Variants in AGAP1 observed in about 807,000 individuals in gnomAD.
AGAP1 encodes arf-GAP with GTPase, ANK repeat and PH domain-containing protein 1.
A neutral mutation model predicts 105.3 loss-of-function variants in AGAP1; 29 were observed. That is an observed-to-expected ratio of 0.28 (90% CI 0.21 to 0.38). The LOEUF is 0.38. Among genes scored for constraint, AGAP1 ranks in the 10% least tolerant of loss-of-function variants. The pLI, the probability that AGAP1 is intolerant of heterozygous loss-of-function variation, is 1.00. For synonymous variants in AGAP1, 509 were observed against 485.9 expected, an observed-to-expected ratio of 1.05 and a Z score of -0.63; for missense variants, 998 against 1,165.1, an observed-to-expected ratio of 0.86 and a Z score of 2.09.
rs188144813 is a variant in AGAP1, at chr2:235,713,302, C to T, written c.222+4065C>T. On this transcript the variant is annotated intron_variant, in intron 2 of 17. Transcript: ENST00000304032. ...GAATAATTAGTAGGTAGAAATTCTC[C>T]GATTATAGAGGCCCAGGGTAAAAAA... is the stretch of plus-strand genomic sequence containing the variant. Among the ~76,000 whole-genome samples the T allele has an allele frequency of 8.0e-4, 122 of 152,250 alleles. 1 individual carries two copies. The highest frequency in any genetic ancestry group is 2.3e-3 in the South Asian group (11 of 4,826).
At chr2:235,776,366 G>T (rs922774052) in intron 6 of AGAP1, among the ~76,000 whole-genome samples, 1 of 152,118 alleles carries the variant, frequency 6.6e-6, no homozygotes, top group Non-Finnish European at 1.5e-5. Context: ...TGCTTTGTCA[G>T]CCTCCTGCTT....
chr2:235,575,488 G>C (rs917699888), intron 1 of AGAP1, among the ~76,000 whole-genome samples: 5 of 152,220 alleles, frequency 3.3e-5, no homozygotes, highest in African/African-American at 1.2e-4. Context: ...GAGGAAACTG[G>C]AAGGCTTTCT....
At chr2:235,759,446 G>T (rs941582688) in intron 6 of AGAP1, among the ~76,000 whole-genome samples, 3 of 152,204 alleles carry the variant, frequency 2.0e-5, no homozygotes, top group Non-Finnish European at 2.9e-5. Context: ...TGGGATTACA[G>T]GCGTGAGCCA....
chr2:235,545,234 C>T (rs1943585283), intron 1 of AGAP1, among the ~76,000 whole-genome samples: 1 of 152,164 alleles, frequency 6.6e-6, no homozygotes, highest in Non-Finnish European at 1.5e-5. Context: ...GGCCATCACC[C>T]CCTTCTCATG....
chr2:235,822,191 C>T (rs1344634628), intron 9 of AGAP1, among the ~76,000 whole-genome samples: 2 of 152,176 alleles, frequency 1.3e-5, no homozygotes, highest in African/African-American at 4.8e-5. Flanking sequence ...ACGTTGTACT[C>T]AATAATAAGT....
rs1418471130 is a variant in AGAP1 at position 235,872,321 on chromosome 2, G to A, written c.1051-11024G>A. 6.6e-6 allele frequency among the ~76,000 whole-genome samples: 1 copy of A among 152,180 alleles called. No individual in the cohort carries two copies. The highest frequency in any genetic ancestry group is 2.4e-5 in the African/African-American group (1 of 41,454). On this transcript the variant is annotated intron_variant, in intron 9 of 17. Coordinates refer to ENST00000304032, the MANE Select transcript of AGAP1 (RefSeq NM_001037131.3). This position sits in a 1 kb window ranked among gnomAD's most constrained non-coding sequence, Gnocchi z 4.5. ...ATAGGAGTCAAAGAAAGCGTTAACT[G>A]TAATTGATGTCTTCACTGTGACAGC...
chr2:235,917,647 C>T (rs1009716899), intron 11 of AGAP1, among the ~76,000 whole-genome samples: 3 of 152,044 alleles, frequency 2.0e-5, no homozygotes, highest in Non-Finnish European at 4.4e-5. Flanking sequence ...TGGTCCTGTT[C>T]GGGGGAGGCA....
At chr2:235,811,622 T>C (rs1320625490) in intron 9 of AGAP1, among the ~76,000 whole-genome samples, 1 of 152,206 alleles carries the variant, frequency 6.6e-6, no homozygotes, top group Non-Finnish European at 1.5e-5. Context: ...GGATTGGCAT[T>C]CCTAGGGTTA....
chr2:235,627,675 C>A (rs766341862), intron 1 of AGAP1, among the ~76,000 whole-genome samples: 27 of 152,058 alleles, frequency 1.8e-4, no homozygotes, highest in Non-Finnish European at 3.5e-4. Flanking sequence ...CCCAGATTGC[C>A]CAGGATAGTA....
At chr2:235,776,368 C>T (rs1310554665) in intron 6 of AGAP1, among the ~76,000 whole-genome samples, 1 of 152,188 alleles carries the variant, frequency 6.6e-6, no homozygotes, top group Non-Finnish European at 1.5e-5. Context: ...CTTTGTCAGC[C>T]TCCTGCTTCT....
intron 1 of AGAP1, chr2:235,505,630 T>C (rs1941767482): frequency 6.6e-6 from 1 of 152,062 alleles, no homozygotes; most frequent in African/African-American, 2.4e-5. Context: ...GAGCCACTGA[T>C]ACAGGTAGAG....
Position 235,614,544 on chromosome 2 carries a change from A to G in AGAP1, c.164-94635A>G, listed in dbSNP as rs1946245118. 6.6e-6 allele frequency among the ~76,000 whole-genome samples: 1 copy of G among 152,196 alleles called. No homozygotes were observed. Among genetic ancestry groups the G allele is most frequent in the Non-Finnish European group, 1.5e-5 (1 of 68,034 alleles). On this transcript the variant is annotated intron_variant, in intron 1 of 17. Coordinates refer to ENST00000304032, the MANE Select transcript of AGAP1 (RefSeq NM_001037131.3). The surrounding 1 kb of genome is among the most constrained non-coding windows in gnomAD (Gnocchi z 4.7). ...TTGCTCTTTAGCCCGTGAGCAGTGG[A>G]AAGTCATTGAATGCTGTCTGGTGTA...
chr2:235,591,217 T>A (rs752326282), intron 1 of AGAP1, among the ~76,000 whole-genome samples: 1 of 152,108 alleles, frequency 6.6e-6, no homozygotes, highest in Non-Finnish European at 1.5e-5. Context: ...GGTTTTGCCA[T>A]GTTGGCCAGG....
rs547379981 is a variant in AGAP1, at chr2:235,571,511, C to T, written c.163+76662C>T. On this transcript the variant is annotated intron_variant, in intron 1 of 17. Transcript: ENST00000304032. ...CACAGATAGTGAAAGGTTTCTGTCA[C>T]GGCTGAGAGGTTCTGTTGGCCAGTG... 7.2e-5 allele frequency among the ~76,000 whole-genome samples: 11 copies of T among 152,312 alleles called. No individual in the cohort carries two copies. In the East Asian group the frequency reaches 7.7e-4, roughly 11 times the overall value.
At position 235,721,407 on chromosome 2, in the gene AGAP1, G is replaced by A. The variant is rs966807273; in HGVS notation, c.310+3763G>A. On this transcript the variant is annotated intron_variant, in intron 3 of 17. Coordinates refer to ENST00000304032, the MANE Select transcript of AGAP1 (RefSeq NM_001037131.3). This position sits in a 1 kb window ranked among gnomAD's most constrained non-coding sequence, Gnocchi z 4.5. ...TAACAACACAAAAGTGGGTAACACC[G>A]TAGGGAACTTGTGATTCCATGAAAT... Among the ~76,000 whole-genome samples the A allele has an allele frequency of 3.3e-5, 5 of 152,138 alleles. No individual in the cohort carries two copies. Among genetic ancestry groups the A allele is most frequent in the African/African-American group, 9.7e-5 (4 of 41,420 alleles).
At chr2:235,941,655 T>C (rs2053262275) in intron 12 of AGAP1, among the ~76,000 whole-genome samples, 1 of 152,192 alleles carries the variant, frequency 6.6e-6, no homozygotes, top group African/African-American at 2.4e-5. Flanking sequence ...ATTCATTCCA[T>C]TCACTTGACA....
intron 13 of AGAP1, among the ~76,000 whole-genome samples, chr2:236,013,183 T>C (rs535017374): frequency 6.6e-6 from 1 of 152,350 alleles, no homozygotes; most frequent in African/African-American, 2.4e-5. Flanking sequence ...AAATATACAG[T>C]GCTTTATCGC....
chr2:236,124,194 C>T lies in AGAP1; in HGVS notation c.*72C>T. On this transcript the variant is annotated 3_prime_UTR_variant, in exon 18 of 18. Transcript: ENST00000304032. This position sits in a 1 kb window ranked among gnomAD's most constrained non-coding sequence, Gnocchi z 5.1. The stretch of plus-strand genomic sequence containing the variant: ...TCGCCGCATTCTCGCTCAGAAGTCG[C>T]AGCACGTGAGTCCCGTCGCATCCCC... 1 of 1,520,562 alleles carries T rather than the reference C, an allele frequency of 6.6e-7. No individual in the cohort carries two copies. Among genetic ancestry groups the T allele is most frequent in the Non-Finnish European group, 9.0e-7 (1 of 1,116,272 alleles). The allele number at this position is 1,520,562 out of a possible 1,614,324, so 94.2% of individuals were successfully genotyped here.
chr2:236,057,226 A>G (rs2058075033), intron 16 of AGAP1, among the ~76,000 whole-genome samples: 1 of 152,144 alleles, frequency 6.6e-6, no homozygotes, highest in African/African-American at 2.4e-5. Flanking sequence ...CTCCTACCTC[A>G]ACCTCCCAGG....
Sources: allele counts gnomAD v4.1 joint callset (sites outside exome capture counted in the v4.1 genomes callset), GRCh38; gene constraint gnomAD v4.1.1; non-coding constraint Gnocchi (gnomAD v3.1); transcripts MANE v1.5; gene names NCBI Gene and HGNC (gene_info 2026-07-23, HGNC 2026-07-21).